Variants in KPNA1 observed in about 807,000 individuals in gnomAD.
The protein encoded by KPNA1 is importin subunit alpha-5.
A neutral mutation model predicts 70.5 loss-of-function variants in KPNA1; 10 were observed. The observed-to-expected ratio is 0.14, with a 90% CI of 0.09 to 0.24. The LOEUF (loss-of-function observed/expected upper bound fraction) is 0.24. KPNA1 is among the 10% of genes least tolerant of loss of function. KPNA1 has a pLI of 1.00. For synonymous variants in KPNA1, 192 were observed against 221.9 expected (o/e 0.87, Z 1.20); for missense variants, 397 against 637.9 (o/e 0.62, Z 4.07).
At chr3:122,470,240 C>T (rs535189724) in intron 2 of KPNA1, among the ~76,000 whole-genome samples, 18 of 152,242 alleles carry the variant, frequency 1.2e-4, no homozygotes, top group Middle Eastern at 3.4e-3. Flanking sequence ...AGGCGGGGCA[C>T]GGTGGCTCAC....
At chr3:122,429,668 A>G (rs2075874360) in intron 12 of KPNA1, among the ~76,000 whole-genome samples, 1 of 152,246 alleles carries the variant, frequency 6.6e-6, no homozygotes, top group Admixed American at 6.5e-5. Flanking sequence ...ACTCCCAAAC[A>G]AAATCCCAGC....
At chr3:122,484,794 A>T (rs1182369583) in intron 2 of KPNA1, among the ~76,000 whole-genome samples, 1 of 152,236 alleles carries the variant, frequency 6.6e-6, no homozygotes, top group Non-Finnish European at 1.5e-5. Context: ...TGATTTATAG[A>T]TTCAACATAA....
intron 1 of KPNA1, among the ~76,000 whole-genome samples, chr3:122,506,092 G>A (rs748215673): frequency 6.6e-6 from 1 of 152,134 alleles, no homozygotes; most frequent in African/African-American, 2.4e-5. Context: ...AAAACAATGA[G>A]TGTAGATCTT....
intron 2 of KPNA1, among the ~76,000 whole-genome samples, chr3:122,495,271 A>G (rs968882039): frequency 6.6e-6 from 1 of 151,302 alleles, no homozygotes; most frequent in Non-Finnish European, 1.5e-5. Context: ...CCAAAAAAAA[A>G]AAAAGAAAAG....
intron 2 of KPNA1, among the ~76,000 whole-genome samples, chr3:122,469,871 G>C (rs1436789491): frequency 6.6e-6 from 1 of 152,182 alleles, no homozygotes; most frequent in Non-Finnish European, 1.5e-5. Flanking sequence ...AATATTTGAA[G>C]TGTTGAGAGA....
At chr3:122,478,726 TAAA>T (rs772969909) in intron 2 of KPNA1, among the ~76,000 whole-genome samples, 3 of 113,704 alleles carry the variant, frequency 2.6e-5, no homozygotes, top group Admixed American at 9.1e-5. Context: ...AGGCTTCATC[TAAA>T]AAAAAAAAAA....
intron 2 of KPNA1, among the ~76,000 whole-genome samples, chr3:122,494,287 A>T (rs891327868): frequency 1.3e-5 from 2 of 152,128 alleles, no homozygotes; most frequent in Non-Finnish European, 2.9e-5. Context: ...ACATTTAATT[A>T]TTGAATCCAT....
At position 122,427,155 on chromosome 3, in the gene KPNA1, A is replaced by G; in HGVS notation, c.1447T>C (p.Phe483Leu). ...TCCTGGTTTTCATGACTCTGTAAGAACTCAATTTTATCCAGACCTAAAATG... is the reference window on the plus strand; with the variant it reads ...TCCTGGTTTTCATGACTCTGTAAGAGCTCAATTTTATCCAGACCTAAAATG... ...EEAYGLDKIE[F>L]LQSHENQEIY... Residue 483 changes from phenylalanine to leucine, a missense_variant, in exon 14 of 14, where the codon TTC (phenylalanine) becomes CTC (leucine). Coordinates refer to ENST00000344337, the MANE Select transcript of KPNA1 (RefSeq NM_002264.4). 1.2e-6 allele frequency: 2 copies of G among 1,613,406 alleles called. No homozygotes were observed. Among genetic ancestry groups the G allele is most frequent in the Non-Finnish European group, 1.7e-6 (2 of 1,179,502 alleles).
intron 9 of KPNA1, 35 bp downstream of exon 9, chr3:122,449,539 G>C (rs373148265): frequency 3.2e-6 from 5 of 1,550,038 alleles, no homozygotes; most frequent in African/African-American, 1.4e-5. Flanking sequence ...TACCAAGGGA[G>C]AGAAAGTGGA....
chr3:122,445,043 G>A (rs752594981), intron 9 of KPNA1, among the ~76,000 whole-genome samples: 4 of 152,326 alleles, frequency 2.6e-5, no homozygotes, highest in Middle Eastern at 3.4e-3. Context: ...AAAGCTGGAC[G>A]GAGAATAACT....
chr3:122,427,306 A>C (rs139956187), intron 13 of KPNA1, 134 bp from the exon 14 acceptor site: 13 of 772,670 alleles, frequency 1.7e-5, no homozygotes, highest in Non-Finnish European at 2.2e-5. Context: ...TTTGTATCTC[A>C]TAAGTATTTT....
At chr3:122,478,646 G>A (rs548663225) in intron 2 of KPNA1, among the ~76,000 whole-genome samples, 1 of 151,204 alleles carries the variant, frequency 6.6e-6, no homozygotes, top group African/African-American at 2.4e-5. Context: ...TGCTTGAACT[G>A]GGACCCAGGA....
chr3:122,482,710 C>T (rs1028609510), intron 2 of KPNA1, among the ~76,000 whole-genome samples: 1 of 152,004 alleles, frequency 6.6e-6, no homozygotes, highest in African/African-American at 2.4e-5. Flanking sequence ...CAATGAACAA[C>T]TGAAATCTAA....
intron 1 of KPNA1, among the ~76,000 whole-genome samples, chr3:122,513,293 A>C (rs1037267954): frequency 2.0e-5 from 3 of 152,216 alleles, no homozygotes; most frequent in African/African-American, 7.2e-5. Context: ...TTAACACAAT[A>C]CCTGAAAAAA....
chr3:122,449,959 G>A (rs2076181121), intron 8 of KPNA1, among the ~76,000 whole-genome samples: 1 of 152,158 alleles, frequency 6.6e-6, no homozygotes. Flanking sequence ...TAATTTCAGA[G>A]AGCAAAGTTT....
intron 12 of KPNA1, among the ~76,000 whole-genome samples, chr3:122,430,855 C>T (rs1303841872): frequency 6.6e-6 from 1 of 152,136 alleles, no homozygotes; most frequent in Non-Finnish European, 1.5e-5. Flanking sequence ...GCCAAGTCTT[C>T]CCAATACCCA....
At chr3:122,510,852 T>C (rs1458704621) in intron 1 of KPNA1, among the ~76,000 whole-genome samples, 1 of 152,184 alleles carries the variant, frequency 6.6e-6, no homozygotes, top group African/African-American at 2.4e-5. Flanking sequence ...CAAAATTTTA[T>C]TTTTTTAATG....
At chr3:122,492,608 T>G (rs1264368868) in intron 2 of KPNA1, among the ~76,000 whole-genome samples, 2 of 152,244 alleles carry the variant, frequency 1.3e-5, no homozygotes, top group Admixed American at 6.5e-5. Flanking sequence ...ATGTCTCAAT[T>G]TGAATTAGCC....
intron 2 of KPNA1, among the ~76,000 whole-genome samples, chr3:122,469,307 TC>T (rs923077876): frequency 1.3e-5 from 2 of 151,668 alleles, no homozygotes; most frequent in Admixed American, 1.3e-4. Context: ...CTGAAAGAAC[TC>T]CCCAAACCTC....
Sources: gnomAD v4.1 joint callset for allele counts (sites outside exome capture counted in the v4.1 genomes callset) on GRCh38, gnomAD v4.1.1 for gene constraint, MANE v1.5 for transcripts, NCBI Gene and HGNC (gene_info 2026-07-23, HGNC 2026-07-21) for gene names.